The following VMP1 variants were observed in gnomAD, a reference collection of about 807,000 sequenced individuals.
VMP1 encodes vacuole membrane protein 1.
In VMP1, 11 loss-of-function variants were observed where a neutral mutation model predicts 56.0. The ratio of observed to expected loss-of-function variants is 0.20; its 90% CI spans 0.12 to 0.32. The LOEUF is 0.32. VMP1 is among the 10% of genes least tolerant of loss of function. The pLI is 1.00. For missense variants in VMP1, 296 were observed against 490.3 expected (o/e 0.60, Z 3.74); for synonymous variants, 149 against 165.0 (o/e 0.90, Z 0.74).
At chr17:59,795,968 A>G (rs961848516) in intron 7 of VMP1, among the ~76,000 whole-genome samples, 8 of 152,220 alleles carry the variant, frequency 5.3e-5, no homozygotes, top group Non-Finnish European at 4.4e-5. Flanking sequence ...TAGTGTTATC[A>G]ATGCTGTGTC....
At chr17:59,754,114 T>C (rs2035752953) in intron 5 of VMP1, among the ~76,000 whole-genome samples, 2 of 152,188 alleles carry the variant, frequency 1.3e-5, no homozygotes, top group South Asian at 2.1e-4. Flanking sequence ...AGTTTGGGAT[T>C]ATTTCATTAT....
At chr17:59,802,817 G>A (rs1598415794) in intron 7 of VMP1, among the ~76,000 whole-genome samples, 1 of 152,202 alleles carries the variant, frequency 6.6e-6, no homozygotes, top group Admixed American at 6.5e-5. Context: ...CACGATCTCG[G>A]CTCACCACAA....
At chr17:59,764,409 G>A (rs1307813938) in intron 5 of VMP1, among the ~76,000 whole-genome samples, 5 of 152,080 alleles carry the variant, frequency 3.3e-5, no homozygotes, top group South Asian at 2.1e-4. Context: ...GCCCACTACA[G>A]CCTCCAACAC....
At chr17:59,773,984 A>G in intron 7 of VMP1, 99 bp downstream of exon 7, 3 of 1,160,602 alleles carry the variant, frequency 2.6e-6, no homozygotes, top group South Asian at 5.0e-5. Context: ...GAAAACTGCT[A>G]AAGTAAAAAA....
At chr17:59,809,304 CTTTTTTT>C (rs57274450) in intron 8 of VMP1, among the ~76,000 whole-genome samples, 1 of 33,430 alleles carries the variant, frequency 3.0e-5, no homozygotes, top group Non-Finnish European at 4.4e-5. Context: ...GCCCATTCAA[CTTTTTTT>C]TTTTTTTTTT....
At chr17:59,739,656 G>A (rs1464790784) in intron 5 of VMP1, among the ~76,000 whole-genome samples, 1 of 147,434 alleles carries the variant, frequency 6.8e-6, no homozygotes, top group Non-Finnish European at 1.5e-5. Flanking sequence ...CCCGGGAGGC[G>A]GAGCTTCCAG....
chr17:59,753,039 G>C (rs1358024583), intron 5 of VMP1, among the ~76,000 whole-genome samples: 4 of 152,152 alleles, frequency 2.6e-5, no homozygotes, highest in Non-Finnish European at 5.9e-5. Context: ...GGGAGGCCAA[G>C]GCAGGAGGAT....
chr17:59,822,282 G>A (rs1425328270), intron 10 of VMP1, among the ~76,000 whole-genome samples: 1 of 150,468 alleles, frequency 6.6e-6, no homozygotes, highest in African/African-American at 2.4e-5. Context: ...TTCTCCAATT[G>A]AGCATGACAT....
chr17:59,713,739 G>A (rs1461099628), intron 1 of VMP1, among the ~76,000 whole-genome samples: 2 of 141,534 alleles, frequency 1.4e-5, no homozygotes, highest in South Asian at 2.2e-4. Flanking sequence ...TTAACAAAAC[G>A]GAGACTAAGA....
chr17:59,805,794 C>T lies in VMP1; in HGVS notation c.715-3002C>T, dbSNP rs1277031696. 2.6e-5 allele frequency among the ~76,000 whole-genome samples: 4 copies of T among 152,110 alleles called. No individual in the cohort carries two copies. The South Asian group carries it at 6.2e-4, about 24-fold the overall frequency. On this transcript the variant is annotated intron_variant, in intron 7 of 11. Transcript: ENST00000262291. Reference sequence around the variant, plus strand: ...CTATAATTGTGTCTATTAAAGGTGACATTAATGCTGATAGAAAAATATTCC... The same window carrying T: ...CTATAATTGTGTCTATTAAAGGTGATATTAATGCTGATAGAAAAATATTCC...
chr17:59,767,919 G>A (rs149900027), intron 6 of VMP1, among the ~76,000 whole-genome samples: 301 of 151,274 alleles, frequency 2.0e-3, no homozygotes, highest in African/African-American at 7.0e-3. Context: ...GACCAGCCTG[G>A]CCAACATGGT....
chr17:59,830,139 G>T (rs560793882), intron 10 of VMP1, among the ~76,000 whole-genome samples: 20 of 152,278 alleles, frequency 1.3e-4, no homozygotes, highest in Non-Finnish European at 2.5e-4. Flanking sequence ...GGGGACAGGG[G>T]CTAGCTCTGT....
At chr17:59,732,506 G>T (rs1001082591) in intron 2 of VMP1, among the ~76,000 whole-genome samples, 1 of 152,038 alleles carries the variant, frequency 6.6e-6, no homozygotes, top group Admixed American at 6.6e-5. Context: ...GCCTCCCAAA[G>T]TGCTGGGATT....
chr17:59,741,127 T>C (rs1280078388), intron 5 of VMP1, among the ~76,000 whole-genome samples: 1 of 152,028 alleles, frequency 6.6e-6, no homozygotes, highest in East Asian at 1.9e-4. Context: ...GCCCAGGAGA[T>C]AGGGGCTGCA....
At chr17:59,739,199 T>G (rs1249935105) in intron 5 of VMP1, among the ~76,000 whole-genome samples, 1 of 152,208 alleles carries the variant, frequency 6.6e-6, no homozygotes, top group Non-Finnish European at 1.5e-5. Context: ...TAGTTTAGCG[T>G]GGAAGGTTTT....
chr17:59,759,404 A>G (rs1439290288), intron 5 of VMP1, among the ~76,000 whole-genome samples: 1 of 152,086 alleles, frequency 6.6e-6, no homozygotes, highest in African/African-American at 2.4e-5. Context: ...ATTTCTAGCT[A>G]TAATTGGGGA....
chr17:59,799,571 T>C (rs530243011), intron 7 of VMP1, among the ~76,000 whole-genome samples: 3 of 152,200 alleles, frequency 2.0e-5, no homozygotes, highest in African/African-American at 7.2e-5. Flanking sequence ...ATCCCTACTT[T>C]TTTGGTAATT....
chr17:59,716,061 T>C (rs1351603982), intron 1 of VMP1, among the ~76,000 whole-genome samples: 1 of 152,194 alleles, frequency 6.6e-6, no homozygotes. Context: ...TCTTAGCAAT[T>C]TTTTGAGACT....
chr17:59,773,727 T>C, intron 6 of VMP1, 27 bp from the exon 7 acceptor site: 7 of 1,571,930 alleles, frequency 4.5e-6, no homozygotes, highest in Non-Finnish European at 6.0e-6. Flanking sequence ...CAGAACCTCA[T>C]TGTAAGTATT....
Sources: gnomAD v4.1 joint callset for allele counts (sites outside exome capture counted in the v4.1 genomes callset) on GRCh38, gnomAD v4.1.1 for gene constraint, MANE v1.5 for transcripts, NCBI Gene and HGNC (gene_info 2026-07-23, HGNC 2026-07-21) for gene names.